Variants in JMJD1C observed in about 807,000 individuals in gnomAD.
JMJD1C encodes jumonji domain-containing protein 1C.
A neutral mutation model predicts 245.3 loss-of-function variants in JMJD1C; 31 were observed. The ratio of observed to expected loss-of-function variants is 0.13; its 90% CI spans 0.09 to 0.17. JMJD1C has a LOEUF of 0.17. Ranked by LOEUF, JMJD1C falls within the 10% of genes least tolerant of loss-of-function variation. JMJD1C has a pLI of 1.00. For missense variants in JMJD1C, 2,691 were observed against 3,000.2 expected (o/e 0.90, Z 2.41); for synonymous variants, 1,057 against 1,017.4 (o/e 1.04, Z -0.74).
intron 1 of JMJD1C, chr10:63,465,235 C>T (rs1403895224): frequency 9.7e-6 from 4 of 412,038 alleles, no homozygotes; most frequent in Middle Eastern, 1.2e-3. Context: ...CCGCGGTCGA[C>T]CCCTCCGGGA....
intron 2 of JMJD1C, among the ~76,000 whole-genome samples, chr10:63,355,646 G>A (rs1024728790): frequency 1.3e-5 from 2 of 152,102 alleles, no homozygotes; most frequent in African/African-American, 4.8e-5. Flanking sequence ...AACTTTTCCA[G>A]TGACAGCTGT....
At chr10:63,360,683 G>A (rs1945249705) in intron 2 of JMJD1C, among the ~76,000 whole-genome samples, 1 of 152,054 alleles carries the variant, frequency 6.6e-6, no homozygotes, top group Admixed American at 6.6e-5. Context: ...GATAATGATG[G>A]CATGCTTATA....
At chr10:63,440,616 T>A (rs1564922741) in intron 1 of JMJD1C, among the ~76,000 whole-genome samples, 1 of 151,652 alleles carries the variant, frequency 6.6e-6, no homozygotes, top group Non-Finnish European at 1.5e-5. Flanking sequence ...AAAGTTTCTA[T>A]GATCTACCTC....
chr10:63,378,518 G>A (rs577818578), intron 2 of JMJD1C, among the ~76,000 whole-genome samples: 30 of 152,162 alleles, frequency 2.0e-4, no homozygotes, highest in Middle Eastern at 3.4e-3. Context: ...CGTGAACCCG[G>A]GAGGCAGAGC....
At chr10:63,269,897 T>C (rs1048805904) in intron 2 of JMJD1C, among the ~76,000 whole-genome samples, 1 of 152,198 alleles carries the variant, frequency 6.6e-6, no homozygotes, top group African/African-American at 2.4e-5. Flanking sequence ...ATATGGTAGT[T>C]ACTAATCATA....
At chr10:63,366,591 A>G (rs996259012) in intron 2 of JMJD1C, among the ~76,000 whole-genome samples, 2 of 152,200 alleles carry the variant, frequency 1.3e-5, no homozygotes, top group Non-Finnish European at 2.9e-5. Context: ...GAATGAAGAG[A>G]AAGAATGAGG....
chr10:63,272,182 C>A (rs1171606552), intron 2 of JMJD1C, among the ~76,000 whole-genome samples: 2 of 152,084 alleles, frequency 1.3e-5, no homozygotes, highest in Non-Finnish European at 2.9e-5. Context: ...CAATGATTAG[C>A]CTAAGACTGT....
Position 63,193,040 on chromosome 10 carries a change from T to A in JMJD1C, c.5974A>T (p.Ser1992Cys). 1.2e-6 allele frequency: 2 copies of A among 1,614,146 alleles called. No individual in the cohort carries two copies. The highest frequency in any genetic ancestry group is 1.7e-6 in the Non-Finnish European group (2 of 1,179,988). Residue 1992 changes from serine (S) to cysteine (C), a missense_variant, in exon 16 of 26, where the codon AGT becomes TGT. Ser to Cys is a moderately radical substitution (Grantham distance 112). Around this residue, in one of 9 missense-constraint regions of JMJD1C, gnomAD observed 275 missense variants for 285.5 expected, o/e 0.96. Transcript: ENST00000399262. ...SEKNGGSSPE[S>C]DVGTDNKLTP... is the part of the protein sequence containing the mutation. ...AACTTGTTATCTGTGCCTACATCAC[T>A]CTCTGGGCTGCTGCCACCATTTTTC...
Position 63,214,141 on chromosome 10 carries a change from T to C in JMJD1C, c.2026A>G (p.Lys676Glu). The C allele has an allele frequency of 6.2e-7, 1 of 1,614,216 alleles. No homozygotes were observed. Among genetic ancestry groups the C allele is most frequent in the Non-Finnish European group, 8.5e-7 (1 of 1,180,034 alleles). The change falls in exon 8 of 26, where the codon AAG becomes GAG. Residue 676 changes from lysine (K) to glutamate (E), a missense_variant. Coordinates refer to ENST00000399262, the MANE Select transcript of JMJD1C (RefSeq NM_032776.3). ...CATCTTGATAGCTCATGTTCTATCT[T>C]ATTTGCCAATCTTCTTTCACCAGTA... The part of the protein sequence containing the change: ...QATGERRLAN[K>E]IEHELSRCSF...
At chr10:63,221,500 A>C (rs1411076826) in intron 3 of JMJD1C, among the ~76,000 whole-genome samples, 1 of 152,238 alleles carries the variant, frequency 6.6e-6, no homozygotes, top group Non-Finnish European at 1.5e-5. Context: ...TACCAGAATG[A>C]AAAACTGTCA....
At chr10:63,292,099 A>ACGCCACCATAT (rs1858813064) in intron 2 of JMJD1C, among the ~76,000 whole-genome samples, 1 of 133,060 alleles carries the variant, frequency 7.5e-6, no homozygotes, top group South Asian at 2.3e-4. Context: ...CTATAGGCAC[A>ACGCCACCATAT]CGCCACCATA....
intron 10 of JMJD1C, chr10:63,204,500 G>T (rs889322870): frequency 9.1e-6 from 9 of 985,146 alleles, no homozygotes; most frequent in Non-Finnish European, 1.1e-5. Flanking sequence ...TTTTGTTTTT[G>T]TTTTTTAAGT....
At chr10:63,219,448 C>G (rs573492108) in intron 4 of JMJD1C, among the ~76,000 whole-genome samples, 2 of 152,182 alleles carry the variant, frequency 1.3e-5, no homozygotes, top group South Asian at 2.1e-4. Context: ...ACATACTAAA[C>G]AAAGGAAACA....
chr10:63,458,827 C>T (rs1304945698), intron 1 of JMJD1C, among the ~76,000 whole-genome samples: 1 of 151,784 alleles, frequency 6.6e-6, no homozygotes, highest in African/African-American at 2.4e-5. Flanking sequence ...AGGCTCAAGC[C>T]ATCCTCCCAC....
chr10:63,500,738 T>A (rs867955425), intron 1 of JMJD1C, among the ~76,000 whole-genome samples: 1 of 96,332 alleles, frequency 1.0e-5, no homozygotes, highest in Non-Finnish European at 2.2e-5. Flanking sequence ...GATGGATGGA[T>A]GGATGGAAGG....
chr10:63,434,995 C>A (rs988031992), intron 1 of JMJD1C, among the ~76,000 whole-genome samples: 3 of 152,222 alleles, frequency 2.0e-5, no homozygotes, highest in African/African-American at 7.2e-5. Context: ...AATAGCATAT[C>A]TTTAGAACAC....
intron 2 of JMJD1C, among the ~76,000 whole-genome samples, chr10:63,368,264 G>A (rs1406312477): frequency 6.6e-6 from 1 of 152,150 alleles, no homozygotes; most frequent in Non-Finnish European, 1.5e-5. Flanking sequence ...GGAAATGTTG[G>A]AGAAACATTC....
chr10:63,295,726 T>C (rs1302372089), intron 2 of JMJD1C, among the ~76,000 whole-genome samples: 1 of 152,014 alleles, frequency 6.6e-6, no homozygotes, highest in East Asian at 1.9e-4. Context: ...GTAGTTACGC[T>C]CTGTAAAGCC....
intron 1 of JMJD1C, among the ~76,000 whole-genome samples, chr10:63,498,675 T>G (rs966179649): frequency 6.6e-6 from 1 of 152,016 alleles, no homozygotes; most frequent in African/African-American, 2.4e-5. Context: ...TAAAAAGAGA[T>G]ATATCACTCA....
Sources: allele counts gnomAD v4.1 joint callset (sites outside exome capture counted in the v4.1 genomes callset), GRCh38; gene constraint gnomAD v4.1.1; regional missense constraint gnomAD v4.1.1; transcripts MANE v1.5; gene names NCBI Gene and HGNC (gene_info 2026-07-23, HGNC 2026-07-21).